The following LPA variants were observed in gnomAD, a reference collection of about 807,000 sequenced individuals.
LPA encodes lipoprotein(a).
LPA carries 199 observed loss-of-function variants against 197.9 expected under a neutral mutation model. The observed-to-expected ratio is 1.01, with a 90% CI of 0.90 to 1.13. The LOEUF (loss-of-function observed/expected upper bound fraction) is 1.13. Ranked by LOEUF, LPA falls within the 50% of genes most tolerant of loss-of-function variation. The pLI is 0.00. For synonymous variants in LPA, 715 were observed against 639.5 expected (o/e 1.12, Z -1.78); for missense variants, 1,853 against 1,785.8 (o/e 1.04, Z -0.68).
intron 28 of LPA, among the ~76,000 whole-genome samples, chr6:160,574,688 G>T (rs1175794074): frequency 6.6e-6 from 1 of 152,170 alleles, no homozygotes; most frequent in East Asian, 1.9e-4. Flanking sequence ...CTCCAGTTGT[G>T]GGGTGTGTTT....
At chr6:160,540,287 G>C in intron 35 of LPA, 104 bp from the exon 36 acceptor site, 3 of 1,322,712 alleles carry the variant, frequency 2.3e-6, no homozygotes, top group Non-Finnish European at 3.3e-6. Flanking sequence ...CGGCCACCCA[G>C]AATCAGTGAC....
intron 22 of LPA, among the ~76,000 whole-genome samples, chr6:160,592,649 T>C (rs1035211658): frequency 6.6e-6 from 1 of 152,230 alleles, no homozygotes; most frequent in African/African-American, 2.4e-5. Context: ...GAGAAACTTG[T>C]ATTCGTTCCT....
chr6:160,537,832 G>T (rs148143880), intron 37 of LPA, 23 bp downstream of exon 37: 1 of 1,599,608 alleles, frequency 6.3e-7, no homozygotes, highest in Non-Finnish European at 8.6e-7. Flanking sequence ...AATTTGTTAC[G>T]TGGGCAATGG....
At chr6:160,603,218 T>C (rs545642947) in intron 18 of LPA, among the ~76,000 whole-genome samples, 7 of 134,668 alleles carry the variant, frequency 5.2e-5, no homozygotes, top group African/African-American at 1.8e-4. Flanking sequence ...GATTTCATTT[T>C]TTAGTATTTG....
intron 18 of LPA, 58 bp from the exon 19 acceptor site, chr6:160,601,156 T>C (rs1455379501): frequency 2.0e-6 from 3 of 1,486,706 alleles, no homozygotes; most frequent in Non-Finnish European, 2.8e-6. Flanking sequence ...AGGAACACTG[T>C]ATATTTTGCT....
intron 26 of LPA, among the ~76,000 whole-genome samples, chr6:160,583,985 C>T (rs1189266521): frequency 6.6e-6 from 1 of 152,172 alleles, no homozygotes; most frequent in Admixed American, 6.5e-5. Context: ...TTTTGTCAGA[C>T]ATGCATTTTT....
Position 160,586,532 on chromosome 6 carries a change from G to A in LPA, c.4046C>T (p.Thr1349Met), listed in dbSNP as rs201200716. The A allele has an allele frequency of 1.8e-4, 289 of 1,613,764 alleles. 2 individuals carry two copies. The African/African-American group carries it at 1.9e-3, about 11-fold the overall frequency. Residue 1349 changes from threonine (T) to methionine (M), a missense_variant, in exon 25 of 39, where the codon ACG (threonine) becomes ATG (methionine). Thr to Met is a moderately conservative substitution (Grantham distance 81). Around this residue, in one of 3 missense-constraint regions of LPA, gnomAD observed 1,737 missense variants for 1,504.4 expected, o/e 1.15. Transcript: ENST00000316300. ...PSVRWEYCNL[T>M]QCPVMESTLL... ...AGTTGATTCCATCACTGGACATTGC[G>A]TCAGGTTGCAGTACTCCCATCTGAC...
intron 28 of LPA, among the ~76,000 whole-genome samples, chr6:160,571,703 G>A (rs1562326051): frequency 6.6e-6 from 1 of 152,176 alleles, no homozygotes; most frequent in Non-Finnish European, 1.5e-5. Context: ...TCAAGCCCCA[G>A]TATTTGTGGA....
At chr6:160,611,172 C>A (rs1357582066) in intron 16 of LPA, among the ~76,000 whole-genome samples, 3 of 152,104 alleles carry the variant, frequency 2.0e-5, no homozygotes, top group Admixed American at 6.5e-5. Flanking sequence ...TCCTCATGAG[C>A]CCAGACAGAA....
At chr6:160,574,671 T>G (rs1289111342) in intron 28 of LPA, among the ~76,000 whole-genome samples, 1 of 152,182 alleles carries the variant, frequency 6.6e-6, no homozygotes, top group East Asian at 1.9e-4. Flanking sequence ...AAACAGACTT[T>G]CAGCTTCTCC....
intron 23 of LPA, among the ~76,000 whole-genome samples, chr6:160,590,115 C>A (rs532953383): frequency 1.3e-5 from 2 of 152,298 alleles, no homozygotes; most frequent in South Asian, 2.1e-4. Context: ...CACATTTCTC[C>A]AGAGCACTGA....
rs780431299 is a variant in LPA at position 160,585,075 on chromosome 6, A to G, written c.4260T>C (p.His1420=). The G allele has an allele frequency of 9.9e-6, 16 of 1,613,740 alleles. No homozygotes were observed. Among genetic ancestry groups the G allele is most frequent in the Admixed American group, 1.7e-5 (1 of 59,994 alleles). ...QSWSSMTPHW[H]RRIPLYYPNA... ...TTGGATAGTATAATGGGATCCTCCG[A>G]TGCCAATGTGGTGTCATAGACGACC... is the stretch of plus-strand genomic sequence containing the variant. Residue 1420 remains histidine (H), a synonymous_variant, in exon 26 of 39, where the codon CAT becomes CAC. Transcript: ENST00000316300.
intron 16 of LPA, among the ~76,000 whole-genome samples, chr6:160,608,766 T>G (rs1414369411): frequency 6.6e-6 from 1 of 152,004 alleles, no homozygotes; most frequent in Non-Finnish European, 1.5e-5. Context: ...TTTCCTATTT[T>G]GCAACATGTC....
rs758408377 is a variant in LPA, at chr6:160,589,696, G to T, written c.3804C>A (p.Ser1268Arg). Residue 1268 changes from serine to arginine, a missense_variant, in exon 24 of 39, where the codon AGC (serine) becomes AGA (arginine). This residue lies in a region of LPA where 1,737 missense variants were observed against 1,504.4 expected (regional missense o/e 1.15). Transcript: ENST00000316300. ...AVSEQAPTEQ[S>R]PTVQDCYHGD... Reference sequence around the variant, plus strand: ...CATGGTAGCAGTCCTGGACTGTGGGGCTTTGCTCCGTTGGTGCTGAAATTC... The same window carrying T: ...CATGGTAGCAGTCCTGGACTGTGGGTCTTTGCTCCGTTGGTGCTGAAATTC... 3 of 1,613,842 alleles carry T rather than the reference G, an allele frequency of 1.9e-6. No homozygotes were observed. The highest frequency in any genetic ancestry group is 2.5e-6 in the Non-Finnish European group (3 of 1,179,790).
intron 1 of LPA, among the ~76,000 whole-genome samples, chr6:160,659,927 A>G (rs541868931): frequency 1.3e-5 from 2 of 152,370 alleles, no homozygotes; most frequent in South Asian, 4.1e-4. Flanking sequence ...GGGTACGGCT[A>G]ATGAAACCCA....
At chr6:160,542,228 G>C (rs1210923322) in intron 34 of LPA, among the ~76,000 whole-genome samples, 1 of 152,150 alleles carries the variant, frequency 6.6e-6, no homozygotes, top group African/African-American at 2.4e-5. Flanking sequence ...TAGATGAATA[G>C]CCTCGGCATT....
intron 37 of LPA, among the ~76,000 whole-genome samples, chr6:160,535,993 A>G (rs1189616841): frequency 6.6e-6 from 1 of 152,086 alleles, no homozygotes; most frequent in East Asian, 1.9e-4. Flanking sequence ...TTTGCCCCTT[A>G]TGGGTATTAG....
In LPA at chr6:160,650,319, T is replaced by A; in HGVS notation, c.209+19A>T. 6.2e-7 allele frequency: 1 copy of A among 1,612,272 alleles called. No homozygotes were observed. Among genetic ancestry groups the A allele is most frequent in the South Asian group, 1.1e-5 (1 of 91,026 alleles). On this transcript the variant is annotated intron_variant, in intron 2 of 38. Transcript: ENST00000316300. ...TTTACTTGGACCTTGTTTTGCTTAC[T>A]GTAAGATTAATGACATACGCATTTG...
chr6:160,613,446 A>C (rs1582887520), intron 14 of LPA, among the ~76,000 whole-genome samples: 1 of 46,058 alleles, frequency 2.2e-5, no homozygotes, highest in African/African-American at 7.9e-5. Context: ...TCTCTGGAAT[A>C]ACTGGTATGG....
Sources: gnomAD v4.1 joint callset for allele counts (sites outside exome capture counted in the v4.1 genomes callset) on GRCh38, gnomAD v4.1.1 for gene constraint, gnomAD v4.1.1 regional missense constraint, MANE v1.5 for transcripts, NCBI Gene and HGNC (gene_info 2026-07-23, HGNC 2026-07-21) for gene names.